FLT1: variants seen among roughly 807,000 people sequenced by gnomAD.
The protein encoded by FLT1 is fms related receptor tyrosine kinase 1, also known as vascular endothelial growth factor receptor 1.
FLT1 carries 49 observed loss-of-function variants against 156.3 expected under a neutral mutation model. The observed-to-expected ratio is 0.31, with a 90% CI of 0.25 to 0.40. FLT1 has a LOEUF of 0.40. Among genes scored for constraint, FLT1 ranks in the 10% least tolerant of loss-of-function variants. The pLI is 1.00. For missense variants in FLT1, 1,322 were observed against 1,637.2 expected, an observed-to-expected ratio of 0.81 and a Z score of 3.32; for synonymous variants, 594 against 583.8, an observed-to-expected ratio of 1.02 and a Z score of -0.25.
intron 24 of FLT1, among the ~76,000 whole-genome samples, chr13:28,319,081 CA>C (rs1871329758): frequency 1.3e-5 from 2 of 152,000 alleles, no homozygotes; most frequent in Admixed American, 1.3e-4. Context: ...GCGGTAAGGG[CA>C]TTAGAGGTGT....
intron 13 of FLT1, chr13:28,389,085 A>C: frequency 1.9e-6 from 2 of 1,064,512 alleles, no homozygotes; most frequent in Non-Finnish European, 2.3e-6. Flanking sequence ...GAATTACACC[A>C]ACATCTTGCA....
intron 29 of FLT1, 126 bp downstream of exon 29, chr13:28,306,552 A>G (rs1335675668): frequency 1.1e-5 from 8 of 739,398 alleles, no homozygotes; most frequent in Admixed American, 4.0e-5. Context: ...GTTTTCTGCA[A>G]CTCCCGGATA....
At position 28,322,843 on chromosome 13, in the gene FLT1, G is replaced by C. The variant is rs371199947; in HGVS notation, c.2900C>G (p.Ala967Gly). 6.2e-7 allele frequency: 1 copy of C among 1,614,084 alleles called. No individual in the cohort carries two copies. The highest frequency in any genetic ancestry group is 1.7e-5 in the Admixed American group (1 of 60,022). ...LDSVTSSESF[A>G]SSGFQEDKSL... Reference sequence around the variant, plus strand: ...TTTATCTTCCTGAAAGCCGGAGCTCGCAAAGCTTTCGCTGCTGGTGACGCT... The same window carrying C: ...TTTATCTTCCTGAAAGCCGGAGCTCCCAAAGCTTTCGCTGCTGGTGACGCT... The change falls in exon 21 of 30, where the codon GCG (alanine) becomes GGG (glycine). Residue 967 changes from alanine to glycine, a missense_variant. Physicochemically the swap from Ala to Gly is moderately conservative, Grantham distance 60. Coordinates refer to ENST00000282397, the MANE Select transcript of FLT1 (RefSeq NM_002019.4). This position sits in a 1 kb window ranked among gnomAD's most constrained non-coding sequence, Gnocchi z 4.3.
intron 1 of FLT1, among the ~76,000 whole-genome samples, chr13:28,474,521 CACAA>C (rs1408985452): frequency 5.3e-5 from 8 of 149,546 alleles, no homozygotes; most frequent in Non-Finnish European, 1.0e-4. Context: ...CACACACACA[CACAA>C]ACCCCACAAA....
intron 7 of FLT1, among the ~76,000 whole-genome samples, chr13:28,430,873 T>C (rs961053537): frequency 1.1e-4 from 16 of 152,190 alleles, no homozygotes; most frequent in African/African-American, 3.4e-4. Flanking sequence ...AAGAATTTCA[T>C]AAATATATTA....
intron 11 of FLT1, among the ~76,000 whole-genome samples, chr13:28,398,498 T>C (rs1875203460): frequency 6.6e-6 from 1 of 152,214 alleles, no homozygotes; most frequent in South Asian, 2.1e-4. Flanking sequence ...TTTCTGTCTT[T>C]AATCTACAGA....
intron 14 of FLT1, among the ~76,000 whole-genome samples, chr13:28,383,499 TA>T (rs1207500850): frequency 6.6e-6 from 1 of 151,914 alleles, no homozygotes; most frequent in African/African-American, 2.4e-5. Context: ...CCATCTCTAC[TA>T]AAAATACAAA....
chr13:28,439,084 G>A lies in FLT1; in HGVS notation c.389-739C>T, dbSNP rs1223227805. Reference sequence around the variant, plus strand: ...AAGCACCAATACTTCCTTAAAAAGCGTGGCATTTGGCCAGTCTCAGAGGCA... The same window carrying A: ...AAGCACCAATACTTCCTTAAAAAGCATGGCATTTGGCCAGTCTCAGAGGCA... On this transcript the variant is annotated intron_variant, in intron 3 of 29. Coordinates refer to ENST00000282397, the MANE Select transcript of FLT1 (RefSeq NM_002019.4). This position sits in a 1 kb window ranked among gnomAD's most constrained non-coding sequence, Gnocchi z 4.1. Among the ~76,000 whole-genome samples, 1 of 152,184 alleles carries A rather than the reference G, an allele frequency of 6.6e-6. No individual in the cohort carries two copies. Among genetic ancestry groups the A allele is most frequent in the Non-Finnish European group, 1.5e-5 (1 of 68,042 alleles).
intron 3 of FLT1, among the ~76,000 whole-genome samples, chr13:28,447,549 T>C (rs1267806626): frequency 6.6e-6 from 1 of 152,032 alleles, no homozygotes; most frequent in Non-Finnish European, 1.5e-5. Flanking sequence ...TGGCATTGGA[T>C]TCTTATATAT....
intron 3 of FLT1, among the ~76,000 whole-genome samples, chr13:28,446,718 T>C (rs1436118514): frequency 6.6e-6 from 1 of 152,202 alleles, no homozygotes; most frequent in African/African-American, 2.4e-5. Flanking sequence ...AAGATGTTAA[T>C]GTCCCCCAAA....
At chr13:28,323,027 C>A in intron 20 of FLT1, 81 bp from the exon 21 acceptor site, 1 of 1,441,914 alleles carries the variant, frequency 6.9e-7, no homozygotes, top group Non-Finnish European at 9.8e-7. Context: ...CTGGCAATCG[C>A]CTGATGAGAA....
intron 27 of FLT1, 106 bp downstream of exon 27, chr13:28,311,484 T>C (rs1870998053): frequency 8.2e-6 from 8 of 979,178 alleles, no homozygotes; most frequent in Non-Finnish European, 1.2e-5. Context: ...CTTTCTTTCT[T>C]TCTCTCTTTC....
intron 23 of FLT1, among the ~76,000 whole-genome samples, chr13:28,319,776 G>C (rs977780389): frequency 1.4e-4 from 22 of 152,174 alleles, no homozygotes; most frequent in African/African-American, 5.1e-4. Flanking sequence ...GATGTGTTCA[G>C]CATGTCCTTA....
intron 1 of FLT1, among the ~76,000 whole-genome samples, chr13:28,493,128 T>C (rs1434805586): frequency 6.6e-6 from 1 of 152,166 alleles, no homozygotes; most frequent in Non-Finnish European, 1.5e-5. Flanking sequence ...AATAAAGATA[T>C]AATTATGTGA....
chr13:28,426,503 T>C (rs994959679), intron 10 of FLT1, among the ~76,000 whole-genome samples: 3 of 152,128 alleles, frequency 2.0e-5, no homozygotes, highest in Non-Finnish European at 4.4e-5. Context: ...GCTCTTAGCT[T>C]AGAGAGAGAC....
At chr13:28,343,011 C>T (rs1436022801) in intron 16 of FLT1, among the ~76,000 whole-genome samples, 1 of 151,978 alleles carries the variant, frequency 6.6e-6, no homozygotes, top group Non-Finnish European at 1.5e-5. Context: ...CAGAGTCTCA[C>T]TGTGTCACCC....
At chr13:28,356,320 A>G (rs1029666220) in intron 15 of FLT1, among the ~76,000 whole-genome samples, 1 of 152,140 alleles carries the variant, frequency 6.6e-6, no homozygotes, top group African/African-American at 2.4e-5. Context: ...TGAGGGCTAT[A>G]TGTCTGGGGT....
intron 3 of FLT1, among the ~76,000 whole-genome samples, chr13:28,464,521 G>A (rs1879749431): frequency 6.6e-6 from 1 of 152,172 alleles, no homozygotes; most frequent in African/African-American, 2.4e-5. Context: ...TATTCATTTA[G>A]CAATTATTAT....
At chr13:28,368,568 A>T in intron 14 of FLT1, 3 of 1,519,752 alleles carry the variant, frequency 2.0e-6, no homozygotes, top group Non-Finnish European at 2.7e-6. Flanking sequence ...GATGATGATA[A>T]TGATGATAGC....
Sources: gnomAD v4.1 joint callset for allele counts (sites outside exome capture counted in the v4.1 genomes callset) on GRCh38, gnomAD v4.1.1 for gene constraint, Gnocchi (gnomAD v3.1) non-coding constraint, MANE v1.5 for transcripts, NCBI Gene and HGNC (gene_info 2026-07-23, HGNC 2026-07-21) for gene names.